The following FILIP1 variants were observed in gnomAD, a reference collection of about 807,000 sequenced individuals.
FILIP1 encodes filamin-A-interacting protein 1.
In FILIP1, 61 loss-of-function variants were observed where a neutral mutation model predicts 102.1. The ratio of observed to expected loss-of-function variants is 0.60; its 90% confidence interval spans 0.49 to 0.74. The LOEUF (loss-of-function observed/expected upper bound fraction) is 0.74, where lower values mean the gene tolerates loss of function less well. Among genes scored for constraint, FILIP1 ranks in the 30% least tolerant of loss-of-function variants. The pLI, the probability that FILIP1 is intolerant of heterozygous loss-of-function variation, is 0.00. For missense variants in FILIP1, 1,314 were observed against 1,441.2 expected, an observed-to-expected ratio of 0.91 and a Z score of 1.43; for synonymous variants, 491 against 526.9, an observed-to-expected ratio of 0.93 and a Z score of 0.93.
chr6:75,313,296 G>C lies in FILIP1; in HGVS notation c.2536C>G (p.Pro846Ala). The C allele has an allele frequency of 6.2e-7, 1 of 1,614,132 alleles. No individual in the cohort carries two copies. The highest frequency in any genetic ancestry group is 8.5e-7 in the Non-Finnish European group (1 of 1,180,042). Residue 846 changes from proline (P) to alanine (A), a missense_variant, in exon 5 of 6, where the codon CCC becomes GCC. Physicochemically the swap from Pro to Ala is conservative, Grantham distance 27 (BLOSUM62 -1). Transcript: ENST00000237172. This position sits in a 1 kb window ranked among gnomAD's most constrained non-coding sequence, Gnocchi z 4.2. ...SNLRQVGLKK[P>A]VERSSVLDRY... ...TCTAGAACAGAAGATCTTTCCACGG[G>C]TTTCTTCAATCCCACCTGCCGAAGA...
chr6:75,414,610 A>T, intron 2 of FILIP1, 87 bp downstream of exon 2: 1 of 1,253,710 alleles, frequency 8.0e-7, no homozygotes, highest in Non-Finnish European at 1.1e-6. Flanking sequence ...AAAGTTCATT[A>T]CTCAGAGAGG....
At chr6:75,433,504 G>T (rs1285114789) in intron 1 of FILIP1, among the ~76,000 whole-genome samples, 1 of 152,110 alleles carries the variant, frequency 6.6e-6, no homozygotes, top group Admixed American at 6.5e-5. Flanking sequence ...CATATCCTTT[G>T]CCCACTTTTT....
At position 75,314,336 on chromosome 6, in the gene FILIP1, G is replaced by A; in HGVS notation, c.1496C>T (p.Thr499Ile). The A allele has an allele frequency of 1.3e-6, 2 of 1,517,156 alleles. No homozygotes were observed. Among genetic ancestry groups the A allele is most frequent in the Non-Finnish European group, 1.8e-6 (2 of 1,142,416 alleles). The allele number at this position is 1,517,156 out of a possible 1,614,324, so 94.0% of individuals were successfully genotyped here. A position where few individuals can be genotyped will look rare whatever the true frequency, so the allele number is the denominator to read the frequency against. ...KAELSLKDDL[T>I]KLKSFTVMLV... ...CATCACGGTAAATGACTTCAACTTG[G>A]TAAGATCATCTTTTAGGCTTAATTC... The change falls in exon 5 of 6, where the codon ACC (threonine) becomes ATC (isoleucine). Residue 499 changes from threonine (T) to isoleucine (I), a missense_variant. Coordinates refer to ENST00000237172, the MANE Select transcript of FILIP1 (RefSeq NM_015687.5).
intron 1 of FILIP1, among the ~76,000 whole-genome samples, chr6:75,418,994 C>A (rs1047551106): frequency 6.6e-6 from 1 of 152,066 alleles, no homozygotes; most frequent in Admixed American, 6.6e-5. Flanking sequence ...TGCGTCCCCC[C>A]CACCCCCTGC....
intron 2 of FILIP1, among the ~76,000 whole-genome samples, chr6:75,375,707 A>G (rs1049022516): frequency 1.8e-4 from 28 of 152,266 alleles, no homozygotes; most frequent in African/African-American, 6.8e-4. Context: ...ATCAAACAAA[A>G]TAAAACTACA....
intron 2 of FILIP1, among the ~76,000 whole-genome samples, chr6:75,393,832 G>GAGGAATGTT (rs977525718): frequency 2.4e-4 from 37 of 152,318 alleles, no homozygotes; most frequent in African/African-American, 8.9e-4. Flanking sequence ...GGAGTCAGTA[G>GAGGAATGTT]AGGAATGTTA....
chr6:75,372,679 A>AAG (rs1313567875), intron 2 of FILIP1, among the ~76,000 whole-genome samples: 2 of 58,988 alleles, frequency 3.4e-5, no homozygotes, highest in East Asian at 6.9e-4. Flanking sequence ...GAAAGAAAGA[A>AAG]AGAAAGAGAA....
At chr6:75,463,453 A>T (rs1779082279) in intron 1 of FILIP1, among the ~76,000 whole-genome samples, 1 of 152,248 alleles carries the variant, frequency 6.6e-6, no homozygotes, top group Admixed American at 6.5e-5. Flanking sequence ...ATAGCAAAAT[A>T]TCTTTTCTTT....
chr6:75,461,435 G>A (rs749604363), intron 1 of FILIP1, among the ~76,000 whole-genome samples: 6 of 151,956 alleles, frequency 3.9e-5, no homozygotes, highest in African/African-American at 7.3e-5. Context: ...TTATGTTCAC[G>A]TATATATTTT....
intron 4 of FILIP1, among the ~76,000 whole-genome samples, chr6:75,316,883 G>C (rs887380100): frequency 1.3e-5 from 2 of 152,070 alleles, no homozygotes; most frequent in African/African-American, 4.8e-5. Flanking sequence ...TAATGTCATA[G>C]AACCATAGAT....
rs566657118 is a variant in FILIP1, at chr6:75,367,117, CAACT to C, written c.277-4204_277-4201del. 1.9e-4 allele frequency among the ~76,000 whole-genome samples: 29 copies of C among 152,230 alleles called. No individual in the cohort carries two copies. The East Asian group carries it at 5.6e-3, about 29-fold the overall frequency. ...TCTTAGAAGACAGCTTCTTGTGTTC[CAACT>C]GATACCAAACACCTATTCCTTTCCT... is the stretch of plus-strand genomic sequence containing the variant. On this transcript the variant is annotated intron_variant, in intron 2 of 5. Coordinates refer to ENST00000237172, the MANE Select transcript of FILIP1 (RefSeq NM_015687.5).
At chr6:75,395,275 C>T (rs563585410) in intron 2 of FILIP1, among the ~76,000 whole-genome samples, 152 of 152,156 alleles carry the variant, frequency 1.0e-3, no homozygotes, top group Admixed American at 2.4e-3. Context: ...ATAGTTTTAA[C>T]ATAATTTTTT....
intron 4 of FILIP1, among the ~76,000 whole-genome samples, chr6:75,324,413 C>T (rs1054065617): frequency 2.1e-5 from 3 of 143,832 alleles, no homozygotes; most frequent in Admixed American, 6.9e-5. Flanking sequence ...AGGAAAACTA[C>T]AAAACACTGC....
chr6:75,300,201 C>CA (rs1772799088), intron 6 of FILIP1, among the ~76,000 whole-genome samples: 1 of 152,112 alleles, frequency 6.6e-6, no homozygotes, highest in South Asian at 2.1e-4. Flanking sequence ...ATACTAAAGA[C>CA]AAAACATACC....
chr6:75,355,542 C>T (rs1328528664), intron 3 of FILIP1, among the ~76,000 whole-genome samples: 2 of 151,948 alleles, frequency 1.3e-5, no homozygotes, highest in Admixed American at 6.6e-5. Context: ...GCTGGAATTA[C>T]AGGGCACAAG....
intron 1 of FILIP1, chr6:75,453,851 C>A: frequency 2.4e-6 from 1 of 421,974 alleles, no homozygotes; most frequent in Non-Finnish European, 4.7e-6. Context: ...AGTGGCAAAG[C>A]CTGGTACTTG....
At chr6:75,411,791 C>A (rs140621404) in intron 2 of FILIP1, among the ~76,000 whole-genome samples, 1 of 152,054 alleles carries the variant, frequency 6.6e-6, no homozygotes, top group Non-Finnish European at 1.5e-5. Flanking sequence ...GTTTTGGTAC[C>A]GGTACCATGA....
intron 1 of FILIP1, among the ~76,000 whole-genome samples, chr6:75,483,094 T>C (rs1362841415): frequency 1.3e-5 from 2 of 152,230 alleles, no homozygotes; most frequent in Non-Finnish European, 2.9e-5. Flanking sequence ...AAGATTCATT[T>C]TACTGGACAA....
chr6:75,309,324 C>A (rs562580475), intron 5 of FILIP1, among the ~76,000 whole-genome samples: 2 of 152,256 alleles, frequency 1.3e-5, no homozygotes, highest in Admixed American at 6.5e-5. Context: ...AGAATCTTCG[C>A]ATGTTATTGT....
Sources: allele counts gnomAD v4.1 joint callset (sites outside exome capture counted in the v4.1 genomes callset), GRCh38; gene constraint gnomAD v4.1.1; non-coding constraint Gnocchi (gnomAD v3.1); transcripts MANE v1.5; gene names NCBI Gene and HGNC (gene_info 2026-07-23, HGNC 2026-07-21).